PDE1B: variants seen among roughly 807,000 people sequenced by gnomAD.
PDE1B encodes dual specificity calcium/calmodulin-dependent 3',5'-cyclic nucleotide phosphodiesterase 1B.
Under a neutral mutation model 66.7 loss-of-function variants are expected in PDE1B, and 13 were observed. The observed-to-expected ratio is 0.19, with a 90% CI of 0.13 to 0.31. The LOEUF is 0.31. PDE1B is among the 10% of genes least tolerant of loss of function. The pLI is 1.00. For missense variants in PDE1B, 485 were observed against 682.3 expected (o/e 0.71, Z 3.22); for synonymous variants, 230 against 253.9 (o/e 0.91, Z 0.90).
At chr12:54,558,040 C>T (rs1238660701) in intron 2 of PDE1B, among the ~76,000 whole-genome samples, 1 of 152,092 alleles carries the variant, frequency 6.6e-6, no homozygotes, top group Non-Finnish European at 1.5e-5. Flanking sequence ...GAGGCTCAAG[C>T]TGCTTAGATT....
intron 13 of PDE1B, 152 bp downstream of exon 13, chr12:54,576,252 A>T: frequency 1.5e-6 from 1 of 653,086 alleles, no homozygotes; most frequent in East Asian, 2.7e-5. Flanking sequence ...CGTCAGGGAC[A>T]GAAGGATGGG....
In PDE1B at chr12:54,569,168, C is replaced by T. The variant is rs1957572323; in HGVS notation, c.228-16C>T. On this transcript the variant is annotated splice_polypyrimidine_tract_variant and intron_variant, in intron 3 of 15. Transcript: ENST00000243052. This position sits in a 1 kb window ranked among gnomAD's most constrained non-coding sequence, Gnocchi z 4.4. ...CCTGCTGTCTTTCCTCTGTGACTCC[C>T]CTTCTGGGGTCTCAGGCAAATCTTG... The T allele has an allele frequency of 3.8e-6, 6 of 1,586,616 alleles. No individual in the cohort carries two copies. The highest frequency in any genetic ancestry group is 1.7e-5 in the Admixed American group (1 of 58,046).
chr12:54,551,195 T>A (rs1036608510), intron 2 of PDE1B, among the ~76,000 whole-genome samples: 3 of 152,240 alleles, frequency 2.0e-5, no homozygotes, highest in African/African-American at 7.2e-5. Context: ...TATGTTGTAT[T>A]GTTCTTTAAA....
At chr12:54,550,484 A>T (rs1422488058) in intron 2 of PDE1B, among the ~76,000 whole-genome samples, 1 of 152,118 alleles carries the variant, frequency 6.6e-6, no homozygotes, top group African/African-American at 2.4e-5. Flanking sequence ...CTCAGTTGGG[A>T]TTGGTAGTTT....
intron 2 of PDE1B, among the ~76,000 whole-genome samples, chr12:54,552,199 G>C (rs961128647): frequency 1.3e-5 from 2 of 152,140 alleles, no homozygotes; most frequent in African/African-American, 4.8e-5. Context: ...AAAGGATTTA[G>C]GGCTTTGCTG....
intron 3 of PDE1B, among the ~76,000 whole-genome samples, chr12:54,568,290 C>T (rs570289182): frequency 6.6e-6 from 1 of 151,694 alleles, no homozygotes; most frequent in East Asian, 2.0e-4. Flanking sequence ...ATGATGAAAC[C>T]CTGTCTCTAC....
chr12:54,550,266 C>T (rs1957257195), intron 2 of PDE1B: 1 of 1,279,918 alleles, frequency 7.8e-7, no homozygotes, highest in African/African-American at 1.5e-5. Context: ...AGAGGCAGCA[C>T]AGTATATGCA....
chr12:54,567,865 T>G (rs1957544566), intron 3 of PDE1B, among the ~76,000 whole-genome samples: 1 of 151,898 alleles, frequency 6.6e-6, no homozygotes, highest in African/African-American at 2.4e-5. Context: ...TATATATATT[T>G]TTTTGTTTTG....
chr12:54,575,511 G>GCTTTC lies in PDE1B; in HGVS notation c.1186-40_1186-39insCTTTC. Reference sequence around the variant, plus strand: ...TGTACCCCAGATCTGGTAGGTCTGAGGTATCCTCTCCAGCTTTCCTACCCT... The same window carrying GCTTTC: ...TGTACCCCAGATCTGGTAGGTCTGAGCTTTCGTATCCTCTCCAGCTTTCCTACCCT... On this transcript the variant is annotated intron_variant, in intron 11 of 15. Coordinates refer to ENST00000243052, the MANE Select transcript of PDE1B (RefSeq NM_000924.4). This position sits in a 1 kb window ranked among gnomAD's most constrained non-coding sequence, Gnocchi z 4.0. The GCTTTC allele has an allele frequency of 6.9e-7, 1 of 1,439,994 alleles. No individual in the cohort carries two copies. The highest frequency in any genetic ancestry group is 2.3e-5 in the East Asian group (1 of 44,018). 89.2% of individuals were successfully genotyped at this position (1,439,994 alleles called of 1,614,324 possible).
At chr12:54,577,690 G>C (rs987143116) in intron 15 of PDE1B, 170 bp from the exon 16 acceptor site, 5 of 817,854 alleles carry the variant, frequency 6.1e-6, no homozygotes, top group South Asian at 5.2e-5. Context: ...GCAGCTGAAC[G>C]TGACTTCGAC....
intron 13 of PDE1B, 83 bp from the exon 14 acceptor site, chr12:54,576,488 C>T: frequency 6.5e-7 from 1 of 1,540,514 alleles, no homozygotes. Context: ...CCTGGTCTTC[C>T]ATGTCCTGCA....
In PDE1B at chr12:54,573,170, T is replaced by G; in HGVS notation, c.758T>G (p.Leu253Arg). ...TAGCACTGCCTGTCGGAGATTGAGC[T>G]CCTGGCCATCATCTTTGCTGCAGCT... ...GMVHCLSEIE[L>R]LAIIFAAAIH... Residue 253 changes from leucine to arginine, a missense_variant, in exon 8 of 16, where the codon CTC becomes CGC. Physicochemically the swap from Leu to Arg is moderately radical, Grantham distance 102 (BLOSUM62 -2). Coordinates refer to ENST00000243052, the MANE Select transcript of PDE1B (RefSeq NM_000924.4). The surrounding 1 kb of genome is among the most constrained non-coding windows in gnomAD (Gnocchi z 5.2). The G allele has an allele frequency of 6.2e-7, 1 of 1,613,998 alleles. No individual in the cohort carries two copies. Among genetic ancestry groups the G allele is most frequent in the Non-Finnish European group, 8.5e-7 (1 of 1,179,936 alleles).
chr12:54,575,596 G>T lies in PDE1B; in HGVS notation c.1231G>T (p.Asp411Tyr), dbSNP rs1397785158. Reference protein sequence around the residue: ...ELGLPFSPLCDRTSTLVAQSQ... With the variant: ...ELGLPFSPLCYRTSTLVAQSQ... Reference sequence around the variant, plus strand: ...GGGCCTGCCCTTTTCTCCACTCTGTGACCGCACTTCCACTCTAGTGGCACA... The same window carrying T: ...GGGCCTGCCCTTTTCTCCACTCTGTTACCGCACTTCCACTCTAGTGGCACA... Residue 411 changes from aspartate to tyrosine, a missense_variant, in exon 12 of 16, where the codon GAC (aspartate) becomes TAC (tyrosine). Asp to Tyr is a radical substitution (Grantham distance 160). Around this residue, in one of 4 missense-constraint regions of PDE1B, gnomAD observed 282 missense variants for 453.4 expected, o/e 0.62. Coordinates refer to ENST00000243052, the MANE Select transcript of PDE1B (RefSeq NM_000924.4). This position sits in a 1 kb window ranked among gnomAD's most constrained non-coding sequence, Gnocchi z 4.0. 1 of 1,613,282 alleles carries T rather than the reference G, an allele frequency of 6.2e-7. No individual in the cohort carries two copies. The highest frequency in any genetic ancestry group is 8.5e-7 in the Non-Finnish European group (1 of 1,179,672).
At chr12:54,574,234 G>T in intron 10 of PDE1B, 1 of 167,994 alleles carries the variant, frequency 6.0e-6, no homozygotes, top group Non-Finnish European at 1.3e-5. Context: ...ATGTGTGTGA[G>T]AGTGGACTGT....
Position 54,573,713 on chromosome 12 carries a change from G to T in PDE1B, c.1064+4G>T. Reference sequence around the variant, plus strand: ...CAGCCTTGCAACAGCTGGAGAGGTGGCATCTGGTGGGGTGTGGCTGGGGCC... The same window carrying T: ...CAGCCTTGCAACAGCTGGAGAGGTGTCATCTGGTGGGGTGTGGCTGGGGCC... On this transcript the variant is annotated splice_donor_region_variant and intron_variant, in intron 10 of 15. Transcript: ENST00000243052. This position sits in a 1 kb window ranked among gnomAD's most constrained non-coding sequence, Gnocchi z 5.2. 1 of 1,610,704 alleles carries T rather than the reference G, an allele frequency of 6.2e-7. No homozygotes were observed. Among genetic ancestry groups the T allele is most frequent in the East Asian group, 2.2e-5 (1 of 44,864 alleles).
intron 6 of PDE1B, 137 bp from the exon 7 acceptor site, chr12:54,572,464 C>A: frequency 2.5e-6 from 2 of 798,966 alleles, no homozygotes; most frequent in South Asian, 1.6e-5. Flanking sequence ...AGGATATGAG[C>A]CAGGTTCACC....
At chr12:54,559,529 C>T (rs1362842477) in intron 2 of PDE1B, among the ~76,000 whole-genome samples, 1 of 151,906 alleles carries the variant, frequency 6.6e-6, no homozygotes, top group East Asian at 1.9e-4. Flanking sequence ...TGAAATTTTT[C>T]CTCAGGAAGG....
rs1291245663 is a variant in PDE1B at position 54,569,499 on chromosome 12, A to C, written c.411-47A>C. ...CACATCCCCAGCTGGCCACACCTCC[A>C]CTCCCAGACCTTCATATGTGGGCTT... On this transcript the variant is annotated intron_variant, in intron 4 of 15. Transcript: ENST00000243052. This position sits in a 1 kb window ranked among gnomAD's most constrained non-coding sequence, Gnocchi z 4.4. 4 of 1,590,984 alleles carry C rather than the reference A, an allele frequency of 2.5e-6. No individual in the cohort carries two copies. Among genetic ancestry groups the C allele is most frequent in the Non-Finnish European group, 3.4e-6 (4 of 1,159,948 alleles).
At position 54,577,272 on chromosome 12, in the gene PDE1B, G is replaced by A. The variant is rs140787002; in HGVS notation, c.1555G>A (p.Glu519Lys). ...SIDELSPCEE[E>K]APPSPAEDEH... ...TGACGAGCTGTCCCCCTGTGAAGAA[G>A]AGGCCCCCCCATCCCCTGCCGAAGA... Residue 519 changes from glutamate to lysine, a missense_variant, in exon 15 of 16, where the codon GAG becomes AAG. Physicochemically the swap from Glu to Lys is moderately conservative, Grantham distance 56. This residue lies in a region of PDE1B where 126 missense variants were observed against 133.8 expected (regional missense o/e 0.94). Transcript: ENST00000243052. 1,002 of 1,613,846 alleles carry A rather than the reference G, an allele frequency of 6.2e-4. 2 individuals are homozygous for A. The highest frequency in any genetic ancestry group is 7.5e-4 in the Non-Finnish European group (882 of 1,179,970).
Sources: allele counts gnomAD v4.1 joint callset (sites outside exome capture counted in the v4.1 genomes callset), GRCh38; gene constraint gnomAD v4.1.1; regional missense constraint gnomAD v4.1.1; non-coding constraint Gnocchi (gnomAD v3.1); transcripts MANE v1.5; gene names NCBI Gene and HGNC (gene_info 2026-07-23, HGNC 2026-07-21).